The following GBF1 variants were observed in gnomAD, a reference collection of about 807,000 sequenced individuals.
GBF1 encodes the protein golgi brefeldin A resistant guanine nucleotide exchange factor 1, also known as Golgi-specific brefeldin A-resistance guanine nucleotide exchange factor 1.
Under a neutral mutation model 210.5 loss-of-function variants are expected in GBF1, and 114 were observed. The ratio of observed to expected loss-of-function variants is 0.54; its 90% CI spans 0.47 to 0.63. The LOEUF (loss-of-function observed/expected upper bound fraction) is 0.63, where lower values mean the gene tolerates loss of function less well. Ranked by LOEUF, GBF1 falls within the 30% of genes least tolerant of loss-of-function variation. The pLI is 0.00. For missense variants in GBF1, 1,851 were observed against 2,357.7 expected, an observed-to-expected ratio of 0.79 and a Z score of 4.45; for synonymous variants, 850 against 889.2, an observed-to-expected ratio of 0.96 and a Z score of 0.78.
the GBF1 span, among the ~76,000 whole-genome samples, chr10:102,239,383 C>T: frequency 6.6e-6 from 1 of 152,238 alleles, no homozygotes; most frequent in East Asian, 1.9e-4. Flanking sequence ...TTCCCTGTTC[C>T]TTTCCTGACA....
In GBF1 at chr10:102,363,676, A is replaced by C; in HGVS notation, c.2018-34A>C. 1.4e-6 allele frequency: 2 copies of C among 1,381,610 alleles called. No homozygotes were observed. Among genetic ancestry groups the C allele is most frequent in the Non-Finnish European group, 1.0e-6 (1 of 968,422 alleles). The allele number at this position is 1,381,610 out of a possible 1,614,324, so 85.6% of individuals were successfully genotyped here. A position where few individuals can be genotyped will look rare whatever the true frequency, so the allele number is the denominator to read the frequency against. On this transcript the variant is annotated intron_variant, in intron 16 of 39. Coordinates refer to ENST00000369983, the MANE Select transcript of GBF1 (RefSeq NM_001377137.1). This position sits in a 1 kb window ranked among gnomAD's most constrained non-coding sequence, Gnocchi z 4.2. The stretch of plus-strand genomic sequence containing the variant: ...CCTTATCTGGGTAAAAAAAGGTGTT[A>C]CAGATATTTCCCCCCTCTTCTTCCT...
intron 3 of GBF1, among the ~76,000 whole-genome samples, chr10:102,305,499 A>C (rs886129201): frequency 2.1e-4 from 32 of 152,250 alleles, no homozygotes; most frequent in Non-Finnish European, 4.3e-4. Flanking sequence ...AGTCCCAGCT[A>C]CTTGGGAGGC....
intron 33 of GBF1, among the ~76,000 whole-genome samples, chr10:102,378,085 G>A (rs1472093127): frequency 6.6e-6 from 1 of 151,882 alleles, no homozygotes; most frequent in African/African-American, 2.4e-5. Context: ...GTGCATGGTG[G>A]CAGGCGCCTG....
intron 3 of GBF1, among the ~76,000 whole-genome samples, chr10:102,301,734 T>A (rs2077381915): frequency 6.6e-6 from 1 of 150,542 alleles, no homozygotes; most frequent in Non-Finnish European, 1.5e-5. Context: ...GCTCCTCACT[T>A]CCTAGACGGG....
the GBF1 span, among the ~76,000 whole-genome samples, chr10:102,235,709 G>A: frequency 2.0e-5 from 3 of 152,200 alleles, no homozygotes; most frequent in East Asian, 3.9e-4. Context: ...TGGAGTGGTG[G>A]CTAAGATCTC....
intron 3 of GBF1, among the ~76,000 whole-genome samples, chr10:102,267,866 A>G (rs1191344422): frequency 2.6e-5 from 4 of 152,216 alleles, no homozygotes; most frequent in Non-Finnish European, 5.9e-5. Context: ...ATATAAAACT[A>G]TAGTTGAGTA....
chr10:102,302,841 T>C (rs2077501052), intron 3 of GBF1, among the ~76,000 whole-genome samples: 1 of 152,144 alleles, frequency 6.6e-6, no homozygotes, highest in Non-Finnish European at 1.5e-5. Flanking sequence ...CATCCTACAA[T>C]GCATAGGACA....
chr10:102,288,736 C>CAAAA (rs551813534), intron 3 of GBF1, among the ~76,000 whole-genome samples: 1 of 130,522 alleles, frequency 7.7e-6, no homozygotes, highest in Non-Finnish European at 1.6e-5. Context: ...AAAAAAAAAA[C>CAAAA]AAAAAAAAAA....
At chr10:102,353,802 G>A in intron 8 of GBF1, 148 bp downstream of exon 8, 2 of 635,778 alleles carry the variant, frequency 3.1e-6, no homozygotes, top group Non-Finnish European at 2.8e-6. Flanking sequence ...CCTTTCGTGA[G>A]AAATGTATTC....
At chr10:102,350,808 G>C (rs2058910788) in intron 4 of GBF1, among the ~76,000 whole-genome samples, 1 of 152,110 alleles carries the variant, frequency 6.6e-6, no homozygotes, top group Admixed American at 6.6e-5. Context: ...ATGGGGCCGG[G>C]TGCAGTGGCT....
chr10:102,375,581 G>T lies in GBF1; in HGVS notation c.3883G>T (p.Ala1295Ser), dbSNP rs771884371. The T allele has an allele frequency of 1.1e-5, 18 of 1,602,784 alleles. No individual in the cohort carries two copies. Among genetic ancestry groups the T allele is most frequent in the African/African-American group, 8.0e-5 (6 of 74,738 alleles). Residue 1295 changes from alanine (A) to serine (S), a missense_variant, in exon 30 of 40, where the codon GCC (alanine) becomes TCC (serine). Coordinates refer to ENST00000369983, the MANE Select transcript of GBF1 (RefSeq NM_001377137.1). ...CACAGCCAGGGCAGATGCACCTGAT[G>T]CCGGTAAGCCCTTTCCCAGGGAGAC... is the stretch of plus-strand genomic sequence containing the variant. ...QATARADAPD[A>S]GAQSDSELPS...
intron 29 of GBF1, among the ~76,000 whole-genome samples, chr10:102,372,259 G>A (rs188071815): frequency 6.6e-6 from 1 of 151,748 alleles, no homozygotes; most frequent in African/African-American, 2.4e-5. Flanking sequence ...GCTCACGTCT[G>A]TAATCCCAAC....
Position 102,359,566 on chromosome 10 carries a change from C to G in GBF1, c.1180+131C>G, listed in dbSNP as rs557493753. 7 of 664,508 alleles carry G rather than the reference C, an allele frequency of 1.1e-5. No individual in the cohort carries two copies. In the African/African-American group the frequency reaches 1.1e-4, roughly 10 times the overall value. 41.2% of individuals were successfully genotyped at this position (664,508 alleles called of 1,614,324 possible). A position where few individuals can be genotyped will look rare whatever the true frequency, so the allele number is the denominator to read the frequency against. ...TCCAAGTTCTAGGCTATTTTCTAGTCAGGAAATGGAGTCAAGCCATAGACT... is the reference window on the plus strand; with the variant it reads ...TCCAAGTTCTAGGCTATTTTCTAGTGAGGAAATGGAGTCAAGCCATAGACT... On this transcript the variant is annotated intron_variant, in intron 11 of 39. Transcript: ENST00000369983.
At chr10:102,380,874 G>A (rs1487095318) in intron 38 of GBF1, among the ~76,000 whole-genome samples, 188 bp downstream of exon 38, 4 of 152,206 alleles carry the variant, frequency 2.6e-5, no homozygotes, top group Middle Eastern at 6.8e-3. Flanking sequence ...CAGGTGTGGC[G>A]GTGGGTGCCT....
intron 10 of GBF1, 113 bp from the exon 11 acceptor site, chr10:102,359,154 C>G: frequency 1.3e-6 from 1 of 753,318 alleles, no homozygotes; most frequent in East Asian, 2.6e-5. Flanking sequence ...CTGAGTTGGC[C>G]CTACATCTGT....
chr10:102,373,306 G>A (rs759448197), intron 29 of GBF1, among the ~76,000 whole-genome samples: 2 of 152,230 alleles, frequency 1.3e-5, no homozygotes, highest in Non-Finnish European at 2.9e-5. Context: ...ACCACAATGA[G>A]GCTCACACCT....
At chr10:102,270,970 T>C (rs1261405440) in intron 3 of GBF1, among the ~76,000 whole-genome samples, 1 of 151,660 alleles carries the variant, frequency 6.6e-6, no homozygotes, top group Admixed American at 6.6e-5. Context: ...CTCAGCCTCC[T>C]GAGTAGCTGG....
At chr10:102,266,206 T>C (rs941313568) in intron 3 of GBF1, among the ~76,000 whole-genome samples, 1 of 151,962 alleles carries the variant, frequency 6.6e-6, no homozygotes, top group African/African-American at 2.4e-5. Flanking sequence ...GCCACTGCAC[T>C]CCAGCCTGGG....
chr10:102,253,756 C>T (rs964872241), intron 1 of GBF1, among the ~76,000 whole-genome samples: 12 of 152,330 alleles, frequency 7.9e-5, no homozygotes, highest in African/African-American at 2.9e-4. Context: ...TCAAGTGATC[C>T]TCCTGCATCG....
Sources: allele counts gnomAD v4.1 joint callset (sites outside exome capture counted in the v4.1 genomes callset), GRCh38; gene constraint gnomAD v4.1.1; non-coding constraint Gnocchi (gnomAD v3.1); transcripts MANE v1.5; gene names NCBI Gene and HGNC (gene_info 2026-07-23, HGNC 2026-07-21).